Variants in EBF2 observed in about 807,000 individuals in gnomAD.
EBF2 encodes the protein EBF transcription factor 2.
A neutral mutation model predicts 72.8 loss-of-function variants in EBF2; 21 were observed. The observed-to-expected ratio is 0.29, with a 90% CI of 0.20 to 0.42. The LOEUF is 0.42. EBF2 is among the 10% of genes least tolerant of loss of function. EBF2 has a pLI of 1.00. For synonymous variants in EBF2, 299 were observed against 274.2 expected (o/e 1.09, Z -0.89); for missense variants, 637 against 731.2 (o/e 0.87, Z 1.49).
At chr8:25,906,551 G>C (rs1271138594) in intron 7 of EBF2, among the ~76,000 whole-genome samples, 3 of 152,092 alleles carry the variant, frequency 2.0e-5, no homozygotes, top group Non-Finnish European at 2.9e-5. Context: ...TGGATCACTT[G>C]AGGTCTGGAG....
At chr8:25,869,195 A>C (rs1802387706) in intron 10 of EBF2, among the ~76,000 whole-genome samples, 2 of 152,184 alleles carry the variant, frequency 1.3e-5, no homozygotes, top group South Asian at 4.1e-4. Flanking sequence ...TGGGCCACTG[A>C]AATAAGAGAG....
intron 5 of EBF2, among the ~76,000 whole-genome samples, chr8:26,036,133 A>C (rs1328376625): frequency 6.6e-6 from 1 of 152,196 alleles, no homozygotes; most frequent in Non-Finnish European, 1.5e-5. Flanking sequence ...AGAACGTGCC[A>C]ATCTGTTTAG....
chr8:25,994,330 G>A (rs1268661106), intron 6 of EBF2, among the ~76,000 whole-genome samples: 1 of 152,026 alleles, frequency 6.6e-6, no homozygotes. Context: ...ATGATGTAAG[G>A]CAAAATTTTA....
chr8:25,972,923 G>A (rs943117269), intron 6 of EBF2, among the ~76,000 whole-genome samples: 7 of 95,546 alleles, frequency 7.3e-5, no homozygotes, highest in African/African-American at 2.9e-4. Context: ...ATTTGAACTT[G>A]CCTTACATTT....
intron 13 of EBF2, 82 bp downstream of exon 13, chr8:25,860,967 G>T: frequency 1.3e-6 from 2 of 1,511,480 alleles, no homozygotes; most frequent in South Asian, 1.1e-5. Flanking sequence ...GGACCATTAT[G>T]ACCCAACCTC....
rs1585198641 is a variant in EBF2, at chr8:25,929,034, T to C, written c.552-20479A>G. Among the ~76,000 whole-genome samples the C allele has an allele frequency of 2.6e-5, 4 of 152,340 alleles. No individual in the cohort carries two copies. The South Asian group carries it at 8.3e-4, about 32-fold the overall frequency. ...AACCAGGAGTTGTATTATATTATTA[T>C]AATCAGTTCAAAAAGAACTATGCAG... On this transcript the variant is annotated intron_variant, in intron 6 of 15. Coordinates refer to ENST00000520164, the MANE Select transcript of EBF2 (RefSeq NM_022659.4).
At chr8:25,858,173 A>T (rs1802133295) in intron 14 of EBF2, 146 bp downstream of exon 14, 1 of 1,020,834 alleles carries the variant, frequency 9.8e-7, no homozygotes, top group South Asian at 1.4e-5. Flanking sequence ...AAAGAACGAA[A>T]GGCAGGAAGG....
At chr8:26,036,454 G>C (rs186580566) in intron 5 of EBF2, among the ~76,000 whole-genome samples, 1 of 152,074 alleles carries the variant, frequency 6.6e-6, no homozygotes, top group African/African-American at 2.4e-5. Flanking sequence ...TAATAGTAAA[G>C]GTATAAAAAT....
intron 6 of EBF2, among the ~76,000 whole-genome samples, chr8:25,914,361 C>T (rs918899479): frequency 3.3e-5 from 5 of 152,214 alleles, no homozygotes; most frequent in African/African-American, 9.6e-5. Context: ...AGAGTCTACA[C>T]CCAGGCAGCC....
chr8:25,907,017 G>T (rs1803044766), intron 7 of EBF2, among the ~76,000 whole-genome samples: 1 of 151,940 alleles, frequency 6.6e-6, no homozygotes, highest in Admixed American at 6.6e-5. Flanking sequence ...GAATGGCTCT[G>T]CTCCTAAACA....
intron 6 of EBF2, among the ~76,000 whole-genome samples, chr8:26,012,027 T>A (rs4521764): frequency 0.98 from 148,506 of 152,242 alleles, 72,451 homozygotes; most frequent in East Asian, 1. Context: ...GAGAAACTTC[T>A]TCACCTTAGG....
rs1490420071 is a variant in EBF2, at chr8:26,040,563, T to C, written c.408+53A>G. 2.3e-4 allele frequency: 339 copies of C among 1,450,160 alleles called. 1 individual carries two copies. Among genetic ancestry groups the C allele is most frequent in the Non-Finnish European group, 2.1e-5 (23 of 1,089,574 alleles). The allele number at this position is 1,450,160 out of a possible 1,614,324, so 89.8% of individuals were successfully genotyped here. ...CAGGTCAGAAACAAACTGGGGGGTT[T>C]GGGGGTCGGGGTCAGAGACAGGCGA... On this transcript the variant is annotated intron_variant, in intron 4 of 15. Transcript: ENST00000520164.
At chr8:26,023,992 G>A (rs1023903435) in intron 6 of EBF2, among the ~76,000 whole-genome samples, 5 of 152,126 alleles carry the variant, frequency 3.3e-5, no homozygotes, top group South Asian at 2.1e-4. Context: ...ATCTTCCATC[G>A]CTAACAAAGT....
intron 6 of EBF2, among the ~76,000 whole-genome samples, chr8:26,005,884 C>G (rs1804873155): frequency 1.3e-5 from 2 of 151,300 alleles, no homozygotes; most frequent in South Asian, 4.2e-4. Context: ...CTTTGAAGCA[C>G]TGACTTCAAA....
At position 25,967,082 on chromosome 8, in the gene EBF2, A is replaced by C. The variant is rs190395904; in HGVS notation, c.552-58527T>G. Reference sequence around the variant, plus strand: ...TAAATTCATCATCAGAGATGATGGAATGAAATGCAGATGGGTCTATGTATT... The same window carrying C: ...TAAATTCATCATCAGAGATGATGGACTGAAATGCAGATGGGTCTATGTATT... On this transcript the variant is annotated intron_variant, in intron 6 of 15. Transcript: ENST00000520164. Among the ~76,000 whole-genome samples the C allele has an allele frequency of 4.7e-3, 719 of 152,358 alleles. 4 individuals are homozygous for C. The highest frequency in any genetic ancestry group is 6.8e-3 in the Non-Finnish European group (464 of 68,030).
In EBF2 at chr8:25,861,238, C is replaced by G; in HGVS notation, c.1165-12G>C. 1.2e-6 allele frequency: 2 copies of G among 1,612,834 alleles called. No homozygotes were observed. The highest frequency in any genetic ancestry group is 2.2e-5 in the South Asian group (2 of 90,930). ...TTCAAAATGATGTCCTACAAAACAACAGGTTAATGTGAGCATTCTATCCAG... is the reference window on the plus strand; with the variant it reads ...TTCAAAATGATGTCCTACAAAACAAGAGGTTAATGTGAGCATTCTATCCAG... On this transcript the variant is annotated splice_polypyrimidine_tract_variant and intron_variant, in intron 12 of 15. Transcript: ENST00000520164.
At position 25,889,759 on chromosome 8, in the gene EBF2, T is replaced by C. The variant is rs556149326; in HGVS notation, c.744A>G (p.Pro248=). Residue 248 remains proline (P), a synonymous_variant, in exon 8 of 16, where the codon CCA becomes CCG. Transcript: ENST00000520164. ...GAGCGCAGGCAGCCCTACCTTCCGA[T>C]GGATCGAGTCTTCTTGCTCTCCGTC... The part of the protein sequence containing the change: ...KHGRRARRLD[P]SEATPCIKAI... 131 of 1,613,628 alleles carry C rather than the reference T, an allele frequency of 8.1e-5. No individual in the cohort carries two copies. The highest frequency in any genetic ancestry group is 1.0e-4 in the Non-Finnish European group (123 of 1,179,688).
At chr8:25,899,154 C>T (rs969363508) in intron 7 of EBF2, among the ~76,000 whole-genome samples, 8 of 151,896 alleles carry the variant, frequency 5.3e-5, no homozygotes, top group African/African-American at 1.9e-4. Context: ...GTTCTAACAG[C>T]AGAGAAAAGC....
intron 10 of EBF2, among the ~76,000 whole-genome samples, chr8:25,880,051 C>A (rs964306064): frequency 6.6e-6 from 1 of 152,010 alleles, no homozygotes; most frequent in African/African-American, 2.4e-5. Context: ...TTGTCTTTTC[C>A]TCTTCAATTT....
Sources: gnomAD v4.1 joint callset for allele counts (sites outside exome capture counted in the v4.1 genomes callset) on GRCh38, gnomAD v4.1.1 for gene constraint, MANE v1.5 for transcripts, NCBI Gene and HGNC (gene_info 2026-07-23, HGNC 2026-07-21) for gene names.